MDGA1: variants seen among roughly 807,000 people sequenced by gnomAD.
MDGA1 encodes the protein MAM domain-containing glycosylphosphatidylinositol anchor protein 1.
Under a neutral mutation model 101.5 loss-of-function variants are expected in MDGA1, and 54 were observed. The ratio of observed to expected loss-of-function variants is 0.53; its 90% confidence interval spans 0.43 to 0.67. MDGA1 has a LOEUF of 0.67. Among genes scored for constraint, MDGA1 ranks in the 30% least tolerant of loss-of-function variants. The pLI is 0.00. For missense variants in MDGA1, 1,083 were observed against 1,323.8 expected, an observed-to-expected ratio of 0.82 and a Z score of 2.82; for synonymous variants, 533 against 558.3, an observed-to-expected ratio of 0.95 and a Z score of 0.64.
intron 13 of MDGA1, 96 bp downstream of exon 13, chr6:37,644,401 T>C: frequency 7.8e-7 from 1 of 1,282,750 alleles, no homozygotes; most frequent in Non-Finnish European, 1.0e-6. Flanking sequence ...TCCCTCAGAC[T>C]GGAGCCGTCT....
intron 6 of MDGA1, 84 bp downstream of exon 6, chr6:37,654,189 CT>C: frequency 7.0e-7 from 1 of 1,428,572 alleles, no homozygotes; most frequent in Non-Finnish European, 9.3e-7. Flanking sequence ...AGACAGGCCC[CT>C]TTCCTAGTTC....
At position 37,631,296 on chromosome 6, in the gene MDGA1, G is replaced by T. The variant is rs573869602; in HGVS notation, c.*6072C>A. Reference sequence around the variant, plus strand: ...CTCACAATAATGCACCTGTACTTGAGTGAGCTTGAGCGGATTTCTCTTCCT... The same window carrying T: ...CTCACAATAATGCACCTGTACTTGATTGAGCTTGAGCGGATTTCTCTTCCT... On this transcript the variant is annotated 3_prime_UTR_variant, in exon 17 of 17. Coordinates refer to ENST00000434837, the MANE Select transcript of MDGA1 (RefSeq NM_153487.4). The T allele has an allele frequency of 6.6e-6, 1 of 152,310 alleles. No individual in the cohort carries two copies. The highest frequency in any genetic ancestry group is 2.1e-4 in the South Asian group (1 of 4,818). The allele number at this position is 152,310 out of a possible 1,614,324, so 9.4% of individuals were successfully genotyped here.
chr6:37,655,177 G>A lies in MDGA1; in HGVS notation c.580-245C>T. On this transcript the variant is annotated intron_variant, in intron 4 of 16. Transcript: ENST00000434837. This position sits in a 1 kb window ranked among gnomAD's most constrained non-coding sequence, Gnocchi z 5.1. The stretch of plus-strand genomic sequence containing the variant: ...GTCTGAGGTTGCCCTTGTGCACACT[G>A]GCAAGTACCAGGCCTTGGTTTCTCC... 1 of 556,600 alleles carries A rather than the reference G, an allele frequency of 1.8e-6. No homozygotes were observed. The highest frequency in any genetic ancestry group is 3.2e-6 in the Non-Finnish European group (1 of 314,494). The allele number at this position is 556,600 out of a possible 1,614,324, so 34.5% of individuals were successfully genotyped here.
chr6:37,692,277 G>C (rs949451432), intron 1 of MDGA1, among the ~76,000 whole-genome samples: 4 of 152,162 alleles, frequency 2.6e-5, no homozygotes, highest in African/African-American at 9.7e-5. Flanking sequence ...CTGGGACCGT[G>C]TCAGGCTCAG....
intron 9 of MDGA1, chr6:37,648,311 C>G (rs1761261658): frequency 6.6e-6 from 1 of 152,598 alleles, no homozygotes; most frequent in Admixed American, 6.5e-5. Context: ...CTAAACTACA[C>G]CTCAGGCTCC....
chr6:37,655,999 A>C lies in MDGA1; in HGVS notation c.383-103T>G. On this transcript the variant is annotated intron_variant, in intron 3 of 16. Transcript: ENST00000434837. This position sits in a 1 kb window ranked among gnomAD's most constrained non-coding sequence, Gnocchi z 5.1. ...GGAAGAGCTGAGCCACCCTCAACAG[A>C]CATTTCCAGATTGCCAGATGCCCTC... The C allele has an allele frequency of 1.0e-6, 1 of 960,550 alleles. No homozygotes were observed. The highest frequency in any genetic ancestry group is 1.8e-5 in the South Asian group (1 of 56,712). 59.5% of individuals were successfully genotyped at this position (960,550 alleles called of 1,614,324 possible).
At chr6:37,693,793 G>T (rs926964218) in intron 1 of MDGA1, among the ~76,000 whole-genome samples, 3 of 152,236 alleles carry the variant, frequency 2.0e-5, no homozygotes, top group African/African-American at 7.2e-5. Context: ...ATTGGGAGGC[G>T]AGGAGGGAGG....
Position 37,638,570 on chromosome 6 carries a change from G to A in MDGA1, c.2634C>T (p.Ala878=), listed in dbSNP as rs771462883. 1 of 1,613,972 alleles carries A rather than the reference G, an allele frequency of 6.2e-7. No homozygotes were observed. Among genetic ancestry groups the A allele is most frequent in the East Asian group, 2.2e-5 (1 of 44,882 alleles). The change falls in exon 15 of 17, where the codon GCC becomes GCT. Residue 878 remains alanine (A), a synonymous_variant. Transcript: ENST00000434837. The surrounding 1 kb of genome is among the most constrained non-coding windows in gnomAD (Gnocchi z 4.8). ...GCCCACTGGGGCTGATGGGCACATGGGCCTGCTGCCACACATTGCCCTTAT... is the reference window on the plus strand; with the variant it reads ...GCCCACTGGGGCTGATGGGCACATGAGCCTGCTGCCACACATTGCCCTTAT... ...SGNKGNVWQQ[A]HVPISPSGPF... is the part of the protein sequence containing the mutation.
intron 12 of MDGA1, among the ~76,000 whole-genome samples, chr6:37,645,249 T>C (rs1041692625): frequency 6.6e-6 from 1 of 152,100 alleles, no homozygotes; most frequent in East Asian, 1.9e-4. Flanking sequence ...AAAGAAATAA[T>C]TGAGGCCGGC....
intron 1 of MDGA1, among the ~76,000 whole-genome samples, chr6:37,668,264 A>AAG (rs1554135565): frequency 3.3e-5 from 5 of 149,760 alleles, no homozygotes; most frequent in Admixed American, 6.6e-5. Flanking sequence ...AAAAAAAAAA[A>AAG]GGTGATCCAG....
chr6:37,649,184 T>A lies in MDGA1; in HGVS notation c.1692A>T (p.Arg564=), dbSNP rs1761297534. ...RPVLLRCSLL[R]GSPQRIASAV... ...CCGAGGCGATGCGCTGGGGGCTGCC[T>A]CGCAGCAGCGAGCAGCGCAGGAGCA... Residue 564 remains arginine (R), a synonymous_variant, in exon 9 of 17, where the codon CGA becomes CGT. Transcript: ENST00000434837. 6.7e-7 allele frequency: 1 copy of A among 1,500,308 alleles called. No homozygotes were observed. Among genetic ancestry groups the A allele is most frequent in the Non-Finnish European group, 8.8e-7 (1 of 1,133,158 alleles). The allele number at this position is 1,500,308 out of a possible 1,614,324, so 92.9% of individuals were successfully genotyped here.
chr6:37,666,314 C>T (rs550228806), intron 1 of MDGA1, among the ~76,000 whole-genome samples: 10 of 145,888 alleles, frequency 6.9e-5, no homozygotes, highest in African/African-American at 2.3e-4. Flanking sequence ...GAGCAGAGAT[C>T]GAGCCACTGC....
chr6:37,666,174 C>T (rs1401294793), intron 1 of MDGA1, among the ~76,000 whole-genome samples: 8 of 144,934 alleles, frequency 5.5e-5, no homozygotes, highest in East Asian at 2.0e-4. Flanking sequence ...GCTGAAACCC[C>T]GTCTCTACTA....
rs1762427300 is a variant in MDGA1, at chr6:37,696,723, G to A, written c.67+22C>T. 3 of 1,566,542 alleles carry A rather than the reference G, an allele frequency of 1.9e-6. No individual in the cohort carries two copies. Among genetic ancestry groups the A allele is most frequent in the South Asian group, 1.2e-5 (1 of 85,172 alleles). ...TTTCCGCGCGAGGTTAAGCCAAGGT[G>A]GAGCGGGACGCGGGCTCTTACCGTA... On this transcript the variant is annotated intron_variant, in intron 1 of 16. Transcript: ENST00000434837. This position sits in a 1 kb window ranked among gnomAD's most constrained non-coding sequence, Gnocchi z 5.6.
chr6:37,649,337 G>A, intron 8 of MDGA1, 71 bp from the exon 9 acceptor site: 4 of 1,410,518 alleles, frequency 2.8e-6, no homozygotes, highest in Non-Finnish European at 3.7e-6. Flanking sequence ...CCCGTGGGGA[G>A]GCAACGCGCT....
chr6:37,670,430 G>C (rs1278981415), intron 1 of MDGA1, among the ~76,000 whole-genome samples: 2 of 152,200 alleles, frequency 1.3e-5, no homozygotes, highest in Non-Finnish European at 2.9e-5. Flanking sequence ...GGGAAGGGCT[G>C]GAGCCCTTCC....
chr6:37,645,818 G>C, intron 12 of MDGA1, 115 bp downstream of exon 12: 1 of 1,250,098 alleles, frequency 8.0e-7, no homozygotes, highest in Non-Finnish European at 1.2e-6. Context: ...GAAACACAGG[G>C]GGAATTCATT....
chr6:37,647,178 G>T lies in MDGA1; in HGVS notation c.2041C>A (p.Arg681Ser). ...CCCGCTCCCCCTTGGCCCACCTGGC[G>T]GATGCTGAGTCTGTAGTTGAGCACA... ...DPVLNYRLSI[R>S]QLNQHNAVVK... The change falls in exon 10 of 17, where the codon CGC (arginine) becomes AGC (serine). Residue 681 changes from arginine (R) to serine (S), a missense_variant. Coordinates refer to ENST00000434837, the MANE Select transcript of MDGA1 (RefSeq NM_153487.4). The T allele has an allele frequency of 1.3e-6, 2 of 1,594,396 alleles. No homozygotes were observed. Among genetic ancestry groups the T allele is most frequent in the Admixed American group, 1.8e-5 (1 of 56,946 alleles).
At position 37,638,498 on chromosome 6, in the gene MDGA1, C is replaced by G; in HGVS notation, c.2667+39G>C. On this transcript the variant is annotated intron_variant, in intron 15 of 16. Coordinates refer to ENST00000434837, the MANE Select transcript of MDGA1 (RefSeq NM_153487.4). The surrounding 1 kb of genome is among the most constrained non-coding windows in gnomAD (Gnocchi z 4.8). ...AAGTGTTTCCTGGCCACAGCAACCA[C>G]CGAAGCCGGGGAGGGTCCTCTGGGC... is the stretch of plus-strand genomic sequence containing the variant. 6.2e-7 allele frequency: 1 copy of G among 1,611,312 alleles called. No individual in the cohort carries two copies. Among genetic ancestry groups the G allele is most frequent in the Non-Finnish European group, 8.5e-7 (1 of 1,178,230 alleles).
Sources: allele counts gnomAD v4.1 joint callset (sites outside exome capture counted in the v4.1 genomes callset), GRCh38; gene constraint gnomAD v4.1.1; non-coding constraint Gnocchi (gnomAD v3.1); transcripts MANE v1.5; gene names NCBI Gene and HGNC (gene_info 2026-07-23, HGNC 2026-07-21).